ORC3: variants seen among roughly 807,000 people sequenced by gnomAD.
The protein encoded by ORC3 is origin recognition complex subunit 3, also known as homolog of latheo, Drosophila.
Under a neutral mutation model 100.7 loss-of-function variants are expected in ORC3, and 78 were observed. That is an observed-to-expected ratio of 0.77 (90% CI 0.65 to 0.94). The LOEUF (loss-of-function observed/expected upper bound fraction) is 0.94, where lower values mean the gene tolerates loss of function less well. ORC3 is among the 40% of genes least tolerant of loss of function. ORC3 has a pLI of 0.00. For missense variants in ORC3, 789 were observed against 823.9 expected (o/e 0.96, Z 0.52); for synonymous variants, 295 against 289.3 (o/e 1.02, Z -0.20).
At chr6:87,675,786 A>G in the ORC3 span, 1 of 1,505,014 alleles carries the variant, frequency 6.6e-7, no homozygotes, top group Non-Finnish European at 9.2e-7. Flanking sequence ...TTTGAGTATG[A>G]AAATAATTAT....
intron 11 of ORC3, among the ~76,000 whole-genome samples, chr6:87,631,171 G>A (rs1181335026): frequency 6.6e-6 from 1 of 151,594 alleles, no homozygotes; most frequent in Non-Finnish European, 1.5e-5. Context: ...TTATGGGCAT[G>A]AGCCACTATG....
chr6:87,674,302 CAAAAAA>C, the ORC3 span, among the ~76,000 whole-genome samples: 2 of 87,160 alleles, frequency 2.3e-5, no homozygotes, highest in Admixed American at 1.4e-4. Flanking sequence ...AACTCTATCT[CAAAAAA>C]AAAAAAAAAA....
At chr6:87,653,025 C>A in intron 13 of ORC3, 91 bp from the exon 14 acceptor site, 2 of 988,402 alleles carry the variant, frequency 2.0e-6, no homozygotes, top group East Asian at 2.8e-5. Context: ...ATCTTCTGAG[C>A]GGAAACATTT....
chr6:87,662,208 TG>T (rs1770235749), intron 16 of ORC3, among the ~76,000 whole-genome samples: 2 of 152,278 alleles, frequency 1.3e-5, no homozygotes, highest in African/African-American at 4.8e-5. Flanking sequence ...ATGGATCACC[TG>T]AGGTCAAGAG....
Position 87,590,158 on chromosome 6 carries a change from T to C in ORC3, c.-11T>C, listed in dbSNP as rs1303041890. 3.1e-6 allele frequency: 5 copies of C among 1,613,798 alleles called. No individual in the cohort carries two copies. Among genetic ancestry groups the C allele is most frequent in the Non-Finnish European group, 4.2e-6 (5 of 1,179,914 alleles). Reference sequence around the variant, plus strand: ...CCGAGTGCATCTGGAATACGCAGAGTCAGTAAGACCATGGCTACGTCCTCG... The same window carrying C: ...CCGAGTGCATCTGGAATACGCAGAGCCAGTAAGACCATGGCTACGTCCTCG... On this transcript the variant is annotated 5_prime_UTR_variant, in exon 1 of 20. Transcript: ENST00000392844.
At chr6:87,612,401 T>C (rs1373946130) in intron 8 of ORC3, among the ~76,000 whole-genome samples, 153 bp downstream of exon 8, 1 of 152,216 alleles carries the variant, frequency 6.6e-6, no homozygotes, top group East Asian at 1.9e-4. Context: ...TACTTAATAA[T>C]TTTTGTAGTG....
the ORC3 span, among the ~76,000 whole-genome samples, chr6:87,674,370 A>AT: frequency 6.6e-6 from 1 of 150,416 alleles, no homozygotes; most frequent in Non-Finnish European, 1.5e-5. Flanking sequence ...TGTATTTAAG[A>AT]TTGTCTTAAA....
intron 13 of ORC3, among the ~76,000 whole-genome samples, chr6:87,639,634 G>A (rs373393322): frequency 6.6e-6 from 1 of 152,084 alleles, no homozygotes; most frequent in Non-Finnish European, 1.5e-5. Flanking sequence ...GTTGGAGGTT[G>A]ATGTTGCTGT....
intron 11 of ORC3, among the ~76,000 whole-genome samples, chr6:87,622,294 T>C (rs1779594237): frequency 6.6e-6 from 1 of 152,146 alleles, no homozygotes. Context: ...AGATCTGCTA[T>C]GTGAATCTTT....
intron 2 of ORC3, chr6:87,594,652 T>C: frequency 1.2e-6 from 1 of 841,814 alleles, no homozygotes; most frequent in Non-Finnish European, 1.5e-6. Flanking sequence ...GATATGCTGC[T>C]ATTCTTTAAA....
chr6:87,677,080 G>GAA, the ORC3 span, among the ~76,000 whole-genome samples: 5 of 112,676 alleles, frequency 4.4e-5, no homozygotes, highest in East Asian at 2.5e-4. Context: ...TCCGTCTCAG[G>GAA]AAAAAAAAAA....
chr6:87,656,269 T>A (rs910818038), intron 14 of ORC3, among the ~76,000 whole-genome samples: 8 of 152,340 alleles, frequency 5.3e-5, no homozygotes, highest in East Asian at 1.9e-4. Context: ...ATTATTTTTT[T>A]AAAAAGCTAT....
chr6:87,620,381 T>G (rs1779452930), intron 9 of ORC3, among the ~76,000 whole-genome samples: 1 of 152,250 alleles, frequency 6.6e-6, no homozygotes, highest in Non-Finnish European at 1.5e-5. Context: ...GCAGGCCCTT[T>G]GCCTTACAGC....
At chr6:87,624,907 A>G (rs988995791) in intron 11 of ORC3, among the ~76,000 whole-genome samples, 1 of 152,060 alleles carries the variant, frequency 6.6e-6, no homozygotes, top group African/African-American at 2.4e-5. Context: ...GTGTGTTCTC[A>G]TTGTTCAACT....
chr6:87,605,736 T>C (rs1041961283), intron 4 of ORC3, among the ~76,000 whole-genome samples, 181 bp from the exon 5 acceptor site: 4 of 152,222 alleles, frequency 2.6e-5, no homozygotes, highest in Non-Finnish European at 5.9e-5. Context: ...CTGACAAATA[T>C]AGTTTATGCC....
the ORC3 span, among the ~76,000 whole-genome samples, chr6:87,672,987 G>A: frequency 1.3e-5 from 2 of 151,844 alleles, no homozygotes; most frequent in Admixed American, 6.6e-5. Context: ...TCAGGGATTT[G>A]GGGAATTCAG....
At chr6:87,625,650 C>A (rs1379657338) in intron 11 of ORC3, among the ~76,000 whole-genome samples, 2 of 152,162 alleles carry the variant, frequency 1.3e-5, no homozygotes, top group Non-Finnish European at 2.9e-5. Flanking sequence ...GTTGCCTGTT[C>A]ACTCTGATGA....
chr6:87,631,152 G>A (rs1047336533), intron 11 of ORC3, among the ~76,000 whole-genome samples: 1 of 151,004 alleles, frequency 6.6e-6, no homozygotes, highest in South Asian at 2.1e-4. Context: ...GCCTCCCAAA[G>A]TGCTGGGATT....
intron 11 of ORC3, among the ~76,000 whole-genome samples, chr6:87,632,256 A>G (rs1767483714): frequency 1.3e-5 from 2 of 152,244 alleles, no homozygotes; most frequent in African/African-American, 4.8e-5. Context: ...AACTTAGAGG[A>G]CATGTTATAA....
Sources: gnomAD v4.1 joint callset for allele counts (sites outside exome capture counted in the v4.1 genomes callset) on GRCh38, gnomAD v4.1.1 for gene constraint, MANE v1.5 for transcripts, NCBI Gene and HGNC (gene_info 2026-07-23, HGNC 2026-07-21) for gene names.